WWC2: variants seen among roughly 807,000 people sequenced by gnomAD.
WWC2 encodes the protein protein WWC2.
In WWC2, 101 loss-of-function variants were observed where a neutral mutation model predicts 138.5. That is an observed-to-expected ratio of 0.73 (90% CI 0.62 to 0.86). The LOEUF is 0.86. WWC2 is among the 40% of genes least tolerant of loss of function. The probability of loss-of-function intolerance (pLI) is 0.00; values close to 1 mark genes in which losing one functional copy is unlikely to be tolerated. For missense variants in WWC2, 1,420 were observed against 1,419.4 expected (o/e 1.00, Z -0.01); for synonymous variants, 558 against 538.4 (o/e 1.04, Z -0.50).
At chr4:183,232,797 G>A (rs969403674) in intron 4 of WWC2, among the ~76,000 whole-genome samples, 1 of 152,038 alleles carries the variant, frequency 6.6e-6, no homozygotes, top group Non-Finnish European at 1.5e-5. Flanking sequence ...ACAGGCGCAT[G>A]CCACCACACC....
intron 1 of WWC2, among the ~76,000 whole-genome samples, chr4:183,150,359 G>C (rs1460998422): frequency 6.6e-6 from 1 of 152,064 alleles, no homozygotes; most frequent in East Asian, 1.9e-4. Flanking sequence ...GGTCATCAGA[G>C]GCCAAGTTCA....
rs575889414 is a variant in WWC2 at position 183,250,104 on chromosome 4, G to A, written c.953+111G>A. On this transcript the variant is annotated intron_variant, in intron 8 of 22. Coordinates refer to ENST00000403733, the MANE Select transcript of WWC2 (RefSeq NM_024949.6). ...GCACTCCCCATACATTCTTACCAAG[G>A]CCACCCTTCGGTTTTAGCATGTCAG... 8.0e-4 allele frequency: 779 copies of A among 972,644 alleles called. 5 individuals carry two copies. The African/African-American group carries it at 9.8e-3, about 12-fold the overall frequency. 60.3% of individuals were successfully genotyped at this position (972,644 alleles called of 1,614,324 possible). A position where few individuals can be genotyped will look rare whatever the true frequency, so the allele number is the denominator to read the frequency against.
intron 1 of WWC2, among the ~76,000 whole-genome samples, chr4:183,169,186 A>G (rs2111159675): frequency 6.6e-6 from 1 of 152,386 alleles, no homozygotes; most frequent in East Asian, 1.9e-4. Flanking sequence ...AACATTCAGA[A>G]GTTGTAAAAT....
intron 1 of WWC2, among the ~76,000 whole-genome samples, chr4:183,133,061 T>G (rs1336092218): frequency 6.6e-6 from 1 of 151,586 alleles, no homozygotes; most frequent in Non-Finnish European, 1.5e-5. Flanking sequence ...TTTTTCCTTT[T>G]CTTTTTCCTT....
rs1045398186 is a variant in WWC2, at chr4:183,225,636, C to G, written c.523-14547C>G. ...GGTAAGACATTTTAAAAATCAAATG[C>G]AATAACTAACAGGATGAGAAGCCTT... On this transcript the variant is annotated intron_variant, in intron 4 of 22. Coordinates refer to ENST00000403733, the MANE Select transcript of WWC2 (RefSeq NM_024949.6). Among the ~76,000 whole-genome samples the G allele has an allele frequency of 2.6e-5, 4 of 152,270 alleles. No individual in the cohort carries two copies. In the South Asian group the frequency reaches 8.3e-4, roughly 32 times the overall value.
intron 1 of WWC2, among the ~76,000 whole-genome samples, chr4:183,120,749 G>A (rs1186717127): frequency 6.6e-6 from 1 of 152,154 alleles, no homozygotes; most frequent in African/African-American, 2.4e-5. Flanking sequence ...AGTTGGATGT[G>A]AACAATAAAA....
rs1168162603 is a variant in WWC2, at chr4:183,282,818, T to A, written c.2795T>A (p.Val932Glu). ...CTEDLSSCTS[V>E]PEMNEDGNRK... is the part of the protein sequence containing the mutation. Reference sequence around the variant, plus strand: ...GAAGATTTAAGTTCATGCACTAGTGTGCCTGAGATGAATGAAGACGGGAAC... The same window carrying A: ...GAAGATTTAAGTTCATGCACTAGTGAGCCTGAGATGAATGAAGACGGGAAC... Residue 932 changes from valine (V) to glutamate (E), a missense_variant, in exon 18 of 23, where the codon GTG becomes GAG. Physicochemically the swap from Val to Glu is moderately radical, Grantham distance 121. Coordinates refer to ENST00000403733, the MANE Select transcript of WWC2 (RefSeq NM_024949.6). 6.3e-7 allele frequency: 1 copy of A among 1,590,102 alleles called. No individual in the cohort carries two copies. The highest frequency in any genetic ancestry group is 1.3e-5 in the African/African-American group (1 of 74,624).
intron 9 of WWC2, 61 bp from the exon 10 acceptor site, chr4:183,259,578 C>T: frequency 1.6e-6 from 2 of 1,250,846 alleles, no homozygotes; most frequent in Non-Finnish European, 2.2e-6. Context: ...GAGAATCTTT[C>T]TTTCCTTTTA....
chr4:183,148,971 A>AATTCCCT (rs1263333030), intron 1 of WWC2, among the ~76,000 whole-genome samples: 1 of 151,884 alleles, frequency 6.6e-6, no homozygotes, highest in Non-Finnish European at 1.5e-5. Context: ...GGTAGTAGGG[A>AATTCCCT]AGGGCCTTAT....
At chr4:183,201,335 C>T (rs1251429230) in intron 2 of WWC2, among the ~76,000 whole-genome samples, 1 of 152,138 alleles carries the variant, frequency 6.6e-6, no homozygotes, top group East Asian at 1.9e-4. Flanking sequence ...ATATTTACAT[C>T]TTTAAAATTA....
chr4:183,294,815 G>A (rs1738580452), intron 21 of WWC2, among the ~76,000 whole-genome samples: 1 of 151,860 alleles, frequency 6.6e-6, no homozygotes. Context: ...TACTGTTGTT[G>A]ATGAATGGTT....
At chr4:183,167,606 G>A (rs1734161493) in intron 1 of WWC2, among the ~76,000 whole-genome samples, 1 of 152,170 alleles carries the variant, frequency 6.6e-6, no homozygotes, top group African/African-American at 2.4e-5. Context: ...CTAGCTTTGA[G>A]AATCAGGTAA....
chr4:183,244,569 TTA>T (rs754078261), intron 5 of WWC2, among the ~76,000 whole-genome samples: 15 of 150,692 alleles, frequency 1.0e-4, no homozygotes, highest in African/African-American at 1.7e-4. Context: ...AGAATAAATA[TTA>T]TATATATATA....
At chr4:183,219,241 A>G (rs1201657525) in intron 4 of WWC2, among the ~76,000 whole-genome samples, 12 of 152,198 alleles carry the variant, frequency 7.9e-5, no homozygotes, top group Admixed American at 7.2e-4. Context: ...GAACAATGAA[A>G]AATTTCAGGA....
intron 5 of WWC2, 117 bp downstream of exon 5, chr4:183,240,379 GTT>G: frequency 1.5e-6 from 1 of 654,566 alleles, no homozygotes; most frequent in Non-Finnish European, 2.2e-6. Context: ...AAGTAAAAAA[GTT>G]CAGAGCTCTA....
Position 183,208,950 on chromosome 4 carries a change from A to G in WWC2, c.447A>G (p.Leu149=). The change falls in exon 4 of 23, where the codon TTA becomes TTG. Residue 149 remains leucine, a splice_region_variant and synonymous_variant. Coordinates refer to ENST00000403733, the MANE Select transcript of WWC2 (RefSeq NM_024949.6). Reference sequence around the variant, plus strand: ...GTTTTTCTTTTTTCTCTATAAAAGTATTCTCAGGATCTTCATCCAGTACTA... The same window carrying G: ...GTTTTTCTTTTTTCTCTATAAAAGTGTTCTCAGGATCTTCATCCAGTACTA... ...YKEKSSSHTS[L]FSGSSSSTKY... is the part of the protein sequence containing the mutation. The G allele has an allele frequency of 6.5e-7, 1 of 1,544,862 alleles. No individual in the cohort carries two copies. The highest frequency in any genetic ancestry group is 8.8e-7 in the Non-Finnish European group (1 of 1,138,076).
At chr4:183,120,818 G>A (rs968108695) in intron 1 of WWC2, among the ~76,000 whole-genome samples, 4 of 152,152 alleles carry the variant, frequency 2.6e-5, no homozygotes, top group African/African-American at 9.7e-5. Flanking sequence ...GTGCAGTGGT[G>A]CCATCATGGC....
At chr4:183,198,513 G>A (rs1338509586) in intron 2 of WWC2, among the ~76,000 whole-genome samples, 2 of 151,694 alleles carry the variant, frequency 1.3e-5, no homozygotes, top group East Asian at 1.9e-4. Context: ...ATTTTACATC[G>A]CAAATGGGAT....
intron 1 of WWC2, among the ~76,000 whole-genome samples, chr4:183,135,925 G>GT (rs1295731960): frequency 1.3e-5 from 2 of 152,038 alleles, no homozygotes; most frequent in African/African-American, 4.8e-5. Flanking sequence ...TCAGCTAACA[G>GT]TATGTTATTC....
Sources: allele counts gnomAD v4.1 joint callset (sites outside exome capture counted in the v4.1 genomes callset), GRCh38; gene constraint gnomAD v4.1.1; transcripts MANE v1.5; gene names NCBI Gene and HGNC (gene_info 2026-07-23, HGNC 2026-07-21).